The following CCDC13 variants were observed in gnomAD, a reference collection of about 807,000 sequenced individuals.
CCDC13 encodes the protein coiled-coil domain containing 13, also known as coiled-coil domain-containing protein 13.
In CCDC13, 70 loss-of-function variants were observed where a neutral mutation model predicts 87.3. The ratio of observed to expected loss-of-function variants is 0.80; its 90% CI spans 0.66 to 0.98. The LOEUF is 0.98. Among genes scored for constraint, CCDC13 ranks in the 50% least tolerant of loss-of-function variants. CCDC13 has a pLI of 0.00. For synonymous variants in CCDC13, 317 were observed against 360.3 expected (o/e 0.88, Z 1.36); for missense variants, 842 against 892.0 (o/e 0.94, Z 0.71).
intron 13 of CCDC13, among the ~76,000 whole-genome samples, chr3:42,720,789 C>A (rs939421876): frequency 6.6e-6 from 1 of 152,154 alleles, no homozygotes; most frequent in African/African-American, 2.4e-5. Context: ...TATTATTCAG[C>A]TTTTCCGTCA....
At position 42,709,802 on chromosome 3, in the gene CCDC13, T is replaced by C; in HGVS notation, c.1874-4A>G. 3.1e-6 allele frequency: 5 copies of C among 1,612,558 alleles called. No individual in the cohort carries two copies. Among genetic ancestry groups the C allele is most frequent in the Non-Finnish European group, 4.2e-6 (5 of 1,178,608 alleles). On this transcript the variant is annotated splice_region_variant and splice_polypyrimidine_tract_variant and intron_variant, in intron 14 of 15. Coordinates refer to ENST00000310232, the MANE Select transcript of CCDC13 (RefSeq NM_144719.4). Reference sequence around the variant, plus strand: ...CTGTTGTTAGAGGTGGGCAGACCTGTGGGGCAGCAGCAACCACTTTCTGTG... The same window carrying C: ...CTGTTGTTAGAGGTGGGCAGACCTGCGGGGCAGCAGCAACCACTTTCTGTG...
chr3:42,762,905 C>T (rs761228255), intron 1 of CCDC13, among the ~76,000 whole-genome samples: 11 of 152,092 alleles, frequency 7.2e-5, no homozygotes, highest in African/African-American at 9.7e-5. Flanking sequence ...GCTGTGATCG[C>T]GCCACTGCAC....
intron 14 of CCDC13, among the ~76,000 whole-genome samples, chr3:42,710,646 A>G (rs775476637): frequency 1.4e-4 from 21 of 152,358 alleles, no homozygotes; most frequent in Admixed American, 3.3e-4. Flanking sequence ...CAGTCTGGCC[A>G]ACACGGTGAA....
chr3:42,753,330 C>T (rs901988074), intron 3 of CCDC13, among the ~76,000 whole-genome samples: 1 of 152,180 alleles, frequency 6.6e-6, no homozygotes, highest in African/African-American at 2.4e-5. Context: ...CCCCAACCAA[C>T]CCCCAGATGT....
intron 2 of CCDC13, among the ~76,000 whole-genome samples, 183 bp from the exon 3 acceptor site, chr3:42,757,397 A>G (rs1209694842): frequency 1.3e-5 from 2 of 152,266 alleles, no homozygotes; most frequent in Non-Finnish European, 2.9e-5. Flanking sequence ...AAACCCACTC[A>G]TAATTCATAT....
At chr3:42,752,053 C>T (rs1268590895) in intron 4 of CCDC13, 28 bp from the exon 5 acceptor site, 1 of 1,586,338 alleles carries the variant, frequency 6.3e-7, no homozygotes, top group Admixed American at 1.7e-5. Flanking sequence ...GTGCTTAATA[C>T]TCTGCTCAGC....
At chr3:42,744,182 G>A (rs1273744817) in intron 7 of CCDC13, among the ~76,000 whole-genome samples, 2 of 152,178 alleles carry the variant, frequency 1.3e-5, no homozygotes, top group Non-Finnish European at 1.5e-5. Flanking sequence ...TCCCAAGATG[G>A]TCTAGGTGAA....
chr3:42,736,664 C>T (rs1216377938), intron 9 of CCDC13, among the ~76,000 whole-genome samples: 3 of 152,056 alleles, frequency 2.0e-5, no homozygotes, highest in Non-Finnish European at 4.4e-5. Flanking sequence ...AGAGGCAGGC[C>T]TAGATTTCTG....
At chr3:42,711,347 T>C (rs1396599778) in intron 14 of CCDC13, among the ~76,000 whole-genome samples, 1 of 150,378 alleles carries the variant, frequency 6.6e-6, no homozygotes, top group Non-Finnish European at 1.5e-5. Context: ...CCCTCAGAGG[T>C]GGTGTGACCC....
chr3:42,723,750 A>T (rs1447771247), intron 13 of CCDC13, among the ~76,000 whole-genome samples: 1 of 152,218 alleles, frequency 6.6e-6, no homozygotes, highest in African/African-American at 2.4e-5. Context: ...GTAAAATGAG[A>T]ATAGAAGGAA....
At chr3:42,713,140 A>G (rs1285694331) in intron 14 of CCDC13, 22 bp downstream of exon 14, 1 of 1,610,072 alleles carries the variant, frequency 6.2e-7, no homozygotes, top group African/African-American at 1.3e-5. Flanking sequence ...CCCTGCACTG[A>G]GACTACTGCC....
chr3:42,758,416 G>GC, intron 1 of CCDC13, 65 bp from the exon 2 acceptor site: 4 of 1,482,122 alleles, frequency 2.7e-6, no homozygotes, highest in Non-Finnish European at 3.7e-6. Context: ...CACACAGTCC[G>GC]CCCTGTCTGC....
At chr3:42,768,334 AC>A (rs1286624528) in intron 1 of CCDC13, among the ~76,000 whole-genome samples, 2 of 152,234 alleles carry the variant, frequency 1.3e-5, no homozygotes, top group African/African-American at 4.8e-5. Context: ...GATACATGAA[AC>A]AAAAAAAATT....
At chr3:42,767,741 C>T (rs555583770) in intron 1 of CCDC13, among the ~76,000 whole-genome samples, 3 of 152,076 alleles carry the variant, frequency 2.0e-5, no homozygotes, top group Admixed American at 6.5e-5. Flanking sequence ...GAGGCCGAGG[C>T]GGGTGGGTGG....
At chr3:42,737,264 T>C (rs1699057583) in intron 9 of CCDC13, among the ~76,000 whole-genome samples, 1 of 152,246 alleles carries the variant, frequency 6.6e-6, no homozygotes, top group African/African-American at 2.4e-5. Flanking sequence ...TATGGCTGCA[T>C]ATTATTCCAT....
chr3:42,762,999 G>T (rs1302159749), intron 1 of CCDC13, among the ~76,000 whole-genome samples: 3 of 152,182 alleles, frequency 2.0e-5, no homozygotes, highest in African/African-American at 7.2e-5. Flanking sequence ...GAATTCAACT[G>T]AGCAAAGAAT....
intron 7 of CCDC13, among the ~76,000 whole-genome samples, chr3:42,744,055 T>G (rs903920528): frequency 6.6e-6 from 1 of 152,212 alleles, no homozygotes; most frequent in Non-Finnish European, 1.5e-5. Context: ...AGGTTCTTCT[T>G]GGACTGAAAT....
chr3:42,718,581 T>C (rs189027062), intron 13 of CCDC13, among the ~76,000 whole-genome samples: 8 of 152,292 alleles, frequency 5.3e-5, no homozygotes, highest in Admixed American at 4.6e-4. Flanking sequence ...TCGGGACCCT[T>C]TCCTGTAACA....
chr3:42,741,634 G>C (rs1021757916), intron 8 of CCDC13, among the ~76,000 whole-genome samples: 1 of 152,190 alleles, frequency 6.6e-6, no homozygotes, highest in African/African-American at 2.4e-5. Flanking sequence ...CTACTTGGGA[G>C]GCTGAGGCAG....
Sources: gnomAD v4.1 joint callset for allele counts (sites outside exome capture counted in the v4.1 genomes callset) on GRCh38, gnomAD v4.1.1 for gene constraint, MANE v1.5 for transcripts, NCBI Gene and HGNC (gene_info 2026-07-23, HGNC 2026-07-21) for gene names.